The following NRXN1 variants were observed in gnomAD, a reference collection of about 807,000 sequenced individuals.
NRXN1 encodes the protein neurexin-1.
NRXN1 carries 39 observed loss-of-function variants against 150.9 expected under a neutral mutation model. That is an observed-to-expected ratio of 0.26 (90% confidence interval 0.20 to 0.34). The LOEUF (loss-of-function observed/expected upper bound fraction) is 0.34. Ranked by LOEUF, NRXN1 falls within the 10% of genes least tolerant of loss-of-function variation. NRXN1 has a pLI of 1.00. For synonymous variants in NRXN1, 924 were observed against 757.0 expected (o/e 1.22, Z -3.62); for missense variants, 1,815 against 1,949.9 (o/e 0.93, Z 1.30).
chr2:50,340,980 C>A (rs1250029964), intron 17 of NRXN1, among the ~76,000 whole-genome samples: 3 of 152,070 alleles, frequency 2.0e-5, no homozygotes, highest in Admixed American at 6.5e-5. Context: ...GCCTCTAATC[C>A]CAGTTAATTG....
intron 21 of NRXN1, among the ~76,000 whole-genome samples, chr2:50,019,778 C>G (rs111387381): frequency 0.012 from 1,749 of 150,220 alleles, 36 homozygotes; most frequent in African/African-American, 0.041. Context: ...AACCCCGTCT[C>G]TACTAAAAAA....
chr2:50,941,650 G>A (rs1689463422), intron 2 of NRXN1, among the ~76,000 whole-genome samples: 1 of 152,136 alleles, frequency 6.6e-6, no homozygotes, highest in Non-Finnish European at 1.5e-5. Flanking sequence ...TCTGGCAGAA[G>A]AAATTTCTAA....
intron 10 of NRXN1, among the ~76,000 whole-genome samples, chr2:50,538,033 C>A (rs1051941718): frequency 6.6e-6 from 1 of 152,130 alleles, no homozygotes; most frequent in African/African-American, 2.4e-5. Context: ...AGTTTCTATT[C>A]CTGCAATATA....
intron 2 of NRXN1, among the ~76,000 whole-genome samples, chr2:50,942,578 T>G (rs1689630008): frequency 6.6e-6 from 1 of 152,080 alleles, no homozygotes; most frequent in Admixed American, 6.5e-5. Flanking sequence ...CCAGGGGAGA[T>G]TATTTTGGAG....
chr2:50,533,594 T>G (rs1001402560), intron 10 of NRXN1, among the ~76,000 whole-genome samples: 1 of 152,150 alleles, frequency 6.6e-6, no homozygotes, highest in Admixed American at 6.5e-5. Flanking sequence ...CCTCAGACTT[T>G]GCTCTCATCT....
intron 21 of NRXN1, among the ~76,000 whole-genome samples, chr2:50,048,004 T>C (rs1558765378): frequency 6.6e-6 from 1 of 152,022 alleles, no homozygotes; most frequent in Non-Finnish European, 1.5e-5. Flanking sequence ...CATTTTGTCA[T>C]CTAGTAAAAC....
intron 21 of NRXN1, chr2:49,969,976 G>C (rs1394832323): frequency 1.3e-5 from 2 of 152,056 alleles, no homozygotes; most frequent in Non-Finnish European, 2.9e-5. Context: ...AAAGCAGGGG[G>C]AACAAAGGTG....
intron 5 of NRXN1, among the ~76,000 whole-genome samples, chr2:50,808,242 T>C (rs895237019): frequency 6.6e-6 from 1 of 152,122 alleles, no homozygotes; most frequent in Non-Finnish European, 1.5e-5. Flanking sequence ...CAATTTGACA[T>C]CATGTTATGG....
chr2:49,998,657 C>T (rs1421005502), intron 21 of NRXN1, among the ~76,000 whole-genome samples: 1 of 151,928 alleles, frequency 6.6e-6, no homozygotes, highest in Middle Eastern at 3.2e-3. Context: ...GGATGATGGA[C>T]ATAATTTAAC....
rs1276494709 is a variant in NRXN1, at chr2:50,472,823, GTGTGTGTA to G, written c.3071-360_3071-353del. ...TGTGTGTGTGTGTGTGTGTGTGTGT[GTGTGTGTA>G]TATATATATATAAGTTTCTCTGATT... On this transcript the variant is annotated intron_variant, in intron 15 of 22. Coordinates refer to ENST00000401669, the MANE Select transcript of NRXN1 (RefSeq NM_001330078.2). Among the ~76,000 whole-genome samples, 475 of 140,860 alleles carry G rather than the reference GTGTGTGTA, an allele frequency of 3.4e-3. 4 individuals carry two copies. The highest frequency in any genetic ancestry group is 0.013 in the African/African-American group (458 of 35,080). 92.4% of individuals were successfully genotyped at this position (140,860 alleles called of 152,430 possible). A position where few individuals can be genotyped will look rare whatever the true frequency, so the allele number is the denominator to read the frequency against.
intron 18 of NRXN1, among the ~76,000 whole-genome samples, chr2:50,236,128 C>T (rs2065394432): frequency 6.6e-6 from 1 of 152,026 alleles, no homozygotes; most frequent in Non-Finnish European, 1.5e-5. Flanking sequence ...TCATTCATGA[C>T]TATTCTTTGC....
intron 8 of NRXN1, among the ~76,000 whole-genome samples, chr2:50,581,931 C>T (rs1314699332): frequency 6.6e-6 from 1 of 151,980 alleles, no homozygotes; most frequent in Non-Finnish European, 1.5e-5. Context: ...AGAGTGACAT[C>T]TTAAAAATGT....
intron 2 of NRXN1, among the ~76,000 whole-genome samples, chr2:50,951,535 A>G (rs1189263622): frequency 1.3e-5 from 2 of 152,100 alleles, no homozygotes; most frequent in African/African-American, 2.4e-5. Flanking sequence ...TACAACAACT[A>G]TGCAAACCTG....
chr2:50,746,170 C>G (rs1699999407), intron 5 of NRXN1, among the ~76,000 whole-genome samples: 1 of 152,048 alleles, frequency 6.6e-6, no homozygotes, highest in African/African-American at 2.4e-5. Context: ...AGTTGTTGTA[C>G]ATTATTACCT....
At position 50,045,989 on chromosome 2, in the gene NRXN1, C is replaced by T. The variant is rs1691739404; in HGVS notation, c.4128+7282G>A. On this transcript the variant is annotated intron_variant, in intron 21 of 22. Coordinates refer to ENST00000401669, the MANE Select transcript of NRXN1 (RefSeq NM_001330078.2). ...TAGTATATAATGAATTCTTAAGCTC[C>T]TTAATCAAAATATGTTATCCAGGAT... Among the ~76,000 whole-genome samples, 5 of 152,110 alleles carry T rather than the reference C, an allele frequency of 3.3e-5. No homozygotes were observed. In the South Asian group the frequency reaches 1.0e-3, roughly 32 times the overall value.
intron 5 of NRXN1, among the ~76,000 whole-genome samples, chr2:50,685,488 C>T (rs946160704): frequency 2.0e-5 from 3 of 152,266 alleles, no homozygotes; most frequent in Admixed American, 6.5e-5. Flanking sequence ...ATCTCCATTG[C>T]TAAGGCTTGA....
intron 8 of NRXN1, among the ~76,000 whole-genome samples, chr2:50,585,417 T>C (rs1480047972): frequency 6.6e-6 from 1 of 151,932 alleles, no homozygotes; most frequent in East Asian, 1.9e-4. Flanking sequence ...TTATCAGTTT[T>C]GCAAGATGAA....
At chr2:50,846,303 CAA>C (rs1467892502) in intron 5 of NRXN1, among the ~76,000 whole-genome samples, 3 of 152,152 alleles carry the variant, frequency 2.0e-5, no homozygotes, top group Non-Finnish European at 2.9e-5. Context: ...TCGGTATTCT[CAA>C]AGTGTCAGGT....
intron 17 of NRXN1, among the ~76,000 whole-genome samples, chr2:50,282,209 C>T (rs1233681469): frequency 6.6e-6 from 1 of 152,064 alleles, no homozygotes; most frequent in Non-Finnish European, 1.5e-5. Context: ...CTTTATATGC[C>T]ATGCTAAGGA....
Sources: gnomAD v4.1 joint callset for allele counts (sites outside exome capture counted in the v4.1 genomes callset) on GRCh38, gnomAD v4.1.1 for gene constraint, MANE v1.5 for transcripts, NCBI Gene and HGNC (gene_info 2026-07-23, HGNC 2026-07-21) for gene names.